The following CRADD variants were observed in gnomAD, a reference collection of about 807,000 sequenced individuals.
CRADD encodes CARD and death domain containing adaptor protein.
In CRADD, 9 loss-of-function variants were observed where a neutral mutation model predicts 15.5. That is an observed-to-expected ratio of 0.58 (90% CI 0.35 to 1.01). The LOEUF is 1.01. CRADD is among the 50% of genes least tolerant of loss of function. The pLI, the probability that CRADD is intolerant of heterozygous loss-of-function variation, is 0.02. For missense variants in CRADD, 227 were observed against 250.3 expected, an observed-to-expected ratio of 0.91 and a Z score of 0.63; for synonymous variants, 118 against 107.6, an observed-to-expected ratio of 1.10 and a Z score of -0.60.
intron 2 of CRADD, among the ~76,000 whole-genome samples, chr12:93,840,588 T>C (rs10745663): frequency 0.83 from 125,450 of 151,566 alleles, 52,503 homozygotes; most frequent in African/African-American, 0.96. Flanking sequence ...TTTTTTGAGA[T>C]GGAGTTTCAC....
At chr12:93,843,284 A>C (rs145887645) in intron 2 of CRADD, among the ~76,000 whole-genome samples, 1 of 152,132 alleles carries the variant, frequency 6.6e-6, no homozygotes, top group East Asian at 1.9e-4. Context: ...TGCACTTCCT[A>C]AGCTTCAGTC....
At chr12:93,863,596 TTG>T (rs1157061528) in intron 2 of CRADD, among the ~76,000 whole-genome samples, 2,561 of 124,728 alleles carry the variant, frequency 0.021, 30 homozygotes, top group East Asian at 0.039. Flanking sequence ...GTGGAGGCAT[TTG>T]TGTGTGTGTG....
intron 2 of CRADD, chr12:93,714,737 GC>G (rs957470304): frequency 6.6e-6 from 1 of 152,196 alleles, no homozygotes; most frequent in African/African-American, 2.4e-5. Flanking sequence ...CACGGAAGTT[GC>G]TCAGCCCCTA....
At chr12:93,888,519 G>C (rs1958554378) in intron 2 of CRADD, among the ~76,000 whole-genome samples, 1 of 152,104 alleles carries the variant, frequency 6.6e-6, no homozygotes, top group Admixed American at 6.5e-5. Context: ...CCAACTGACT[G>C]TTGCAAGGGT....
At chr12:93,850,833 TTTTTTC>T (rs987081867), downstream of CRADD, 13 of 707,264 alleles carry the variant, frequency 1.8e-5, no homozygotes, top group African/African-American at 2.5e-4. The surrounding 1 kb of genome is among the most constrained non-coding windows in gnomAD (Gnocchi z 4.0). Flanking sequence ...CAATAGTCTT[TTTTTTC>T]TTTTTGGAAC....
At chr12:93,691,717 C>A (rs1955578064) in intron 2 of CRADD, among the ~76,000 whole-genome samples, 1 of 152,154 alleles carries the variant, frequency 6.6e-6, no homozygotes, top group South Asian at 2.1e-4. Context: ...CCCTCCCCAC[C>A]TCTAAGGCTG....
chr12:93,768,231 A>G lies in CRADD; in HGVS notation c.299-81739A>G, dbSNP rs763517624. 3.9e-5 allele frequency among the ~76,000 whole-genome samples: 6 copies of G among 152,258 alleles called. No individual in the cohort carries two copies. The South Asian group carries it at 1.2e-3, about 31-fold the overall frequency. On this transcript the variant is annotated intron_variant, in intron 2 of 2. Transcript: ENST00000332896. Reference sequence around the variant, plus strand: ...GTGATAAAAACAAATCTCTAAAACAATTGCTCTAGAATTCAGAGTAGGTGG... The same window carrying G: ...GTGATAAAAACAAATCTCTAAAACAGTTGCTCTAGAATTCAGAGTAGGTGG...
intron 2 of CRADD, among the ~76,000 whole-genome samples, chr12:93,700,620 C>T (rs773613741): frequency 5.3e-5 from 8 of 151,930 alleles, no homozygotes; most frequent in Admixed American, 1.3e-4. Flanking sequence ...TTAGTAGAGA[C>T]GGGGTTTCAC....
intron 2 of CRADD, among the ~76,000 whole-genome samples, chr12:93,731,577 T>A (rs143933048): frequency 6.6e-5 from 10 of 152,338 alleles, no homozygotes; most frequent in African/African-American, 2.4e-4. Flanking sequence ...TGTATCCTTC[T>A]CCATAGATAC....
intron 2 of CRADD, among the ~76,000 whole-genome samples, chr12:93,835,603 T>C (rs936952127): frequency 6.6e-6 from 1 of 152,216 alleles, no homozygotes; most frequent in African/African-American, 2.4e-5. Context: ...CCTCTATGTC[T>C]ATCATTTTTC....
chr12:93,735,393 AG>A (rs1194329232), intron 2 of CRADD, among the ~76,000 whole-genome samples: 3 of 152,258 alleles, frequency 2.0e-5, no homozygotes, highest in African/African-American at 4.8e-5. Flanking sequence ...TACAGAGCCT[AG>A]GGAAAATAGA....
At chr12:93,681,326 A>G (rs557916203) in intron 2 of CRADD, among the ~76,000 whole-genome samples, 1 of 152,360 alleles carries the variant, frequency 6.6e-6, no homozygotes, top group African/African-American at 2.4e-5. Flanking sequence ...ATAATGGGAA[A>G]AAAATTGAGC....
downstream of CRADD, among the ~76,000 whole-genome samples, chr12:93,851,193 T>A (rs1958217605): frequency 6.6e-6 from 1 of 152,208 alleles, no homozygotes; most frequent in African/African-American, 2.4e-5. Flanking sequence ...GCTTTTCCTG[T>A]ATGTGATCTC....
rs947465362 is a variant in CRADD, at chr12:93,823,311, A to G, written c.299-26659A>G. Among the ~76,000 whole-genome samples, 21 of 152,132 alleles carry G rather than the reference A, an allele frequency of 1.4e-4. 1 individual carries two copies. The highest frequency in any genetic ancestry group is 4.8e-4 in the African/African-American group (20 of 41,512). ...CTGTCTCAAAAACAAAAAAAAAAAAAAAGAAGAGGAAGAAGAATATGCTAG... is the reference window on the plus strand; with the variant it reads ...CTGTCTCAAAAACAAAAAAAAAAAAGAAGAAGAGGAAGAAGAATATGCTAG... On this transcript the variant is annotated intron_variant, in intron 2 of 2. Coordinates refer to ENST00000332896, the MANE Select transcript of CRADD (RefSeq NM_003805.5).
chr12:93,775,926 G>A (rs924532485), intron 2 of CRADD, among the ~76,000 whole-genome samples: 1 of 152,088 alleles, frequency 6.6e-6, no homozygotes, highest in Non-Finnish European at 1.5e-5. Context: ...AAATTCTAAA[G>A]TATCCTTATA....
chr12:93,853,172 T>A (rs1241297383), downstream of CRADD, among the ~76,000 whole-genome samples: 1 of 152,226 alleles, frequency 6.6e-6, no homozygotes, highest in East Asian at 1.9e-4. Flanking sequence ...GATGTGGGAC[T>A]ATTTAGAGAG....
At chr12:93,860,094 G>C (rs1958307731) in intron 2 of CRADD, among the ~76,000 whole-genome samples, 2 of 150,678 alleles carry the variant, frequency 1.3e-5, no homozygotes, top group African/African-American at 4.9e-5. Flanking sequence ...AAGTTTAACA[G>C]TGTGAAAATT....
At chr12:93,743,281 C>T (rs1215186620) in intron 2 of CRADD, among the ~76,000 whole-genome samples, 3 of 152,062 alleles carry the variant, frequency 2.0e-5, no homozygotes, top group African/African-American at 4.8e-5. Context: ...TTCTGCTTTT[C>T]GAAGCAGTCT....
chr12:93,679,829 G>A (rs1955241877), intron 2 of CRADD, among the ~76,000 whole-genome samples: 2 of 152,206 alleles, frequency 1.3e-5, no homozygotes, highest in Non-Finnish European at 2.9e-5. Context: ...TCATGGAGGA[G>A]GAGACAGCCT....
Sources: allele counts gnomAD v4.1 joint callset (sites outside exome capture counted in the v4.1 genomes callset), GRCh38; gene constraint gnomAD v4.1.1; non-coding constraint Gnocchi (gnomAD v3.1); transcripts MANE v1.5; gene names NCBI Gene and HGNC (gene_info 2026-07-23, HGNC 2026-07-21).